Variants in FRMD4A observed in about 807,000 individuals in gnomAD.
The protein encoded by FRMD4A is FERM domain-containing protein 4A.
Under a neutral mutation model 129.1 loss-of-function variants are expected in FRMD4A, and 29 were observed. That is an observed-to-expected ratio of 0.22 (90% CI 0.17 to 0.31). The LOEUF (loss-of-function observed/expected upper bound fraction) is 0.31, where lower values mean the gene tolerates loss of function less well. Among genes scored for constraint, FRMD4A ranks in the 10% least tolerant of loss-of-function variants. The probability of loss-of-function intolerance (pLI) is 1.00; values close to 1 mark genes in which losing one functional copy is unlikely to be tolerated. For missense variants in FRMD4A, 1,272 were observed against 1,375.8 expected (o/e 0.92, Z 1.19); for synonymous variants, 634 against 571.6 (o/e 1.11, Z -1.56).
At chr10:13,914,273 A>G (rs2094975584) in intron 2 of FRMD4A, among the ~76,000 whole-genome samples, 1 of 152,248 alleles carries the variant, frequency 6.6e-6, no homozygotes, top group Non-Finnish European at 1.5e-5. Context: ...TATCATAGGC[A>G]GACTTCTAAT....
rs199502406 is a variant in FRMD4A, at chr10:14,101,564, G to T, written c.45+228494C>A. ...GGAAAAATAACAGTGGGAACCTAGG[G>T]ATATAGCACATCAGATGATGGGGAA... is the stretch of plus-strand genomic sequence containing the variant. On this transcript the variant is annotated intron_variant, in intron 2 of 24. Coordinates refer to ENST00000357447, the MANE Select transcript of FRMD4A (RefSeq NM_018027.5). Among the ~76,000 whole-genome samples the T allele has an allele frequency of 2.0e-5, 3 of 152,206 alleles. No individual in the cohort carries two copies. In the East Asian group the frequency reaches 5.8e-4, roughly 29 times the overall value.
At chr10:13,893,522 C>T (rs1336518399) in intron 2 of FRMD4A, among the ~76,000 whole-genome samples, 1 of 151,586 alleles carries the variant, frequency 6.6e-6, no homozygotes, top group Admixed American at 6.6e-5. Flanking sequence ...AGACCTACAA[C>T]ATTTTTTTTT....
At chr10:13,974,815 C>A (rs1415019869) in intron 2 of FRMD4A, among the ~76,000 whole-genome samples, 1 of 152,170 alleles carries the variant, frequency 6.6e-6, no homozygotes, top group Non-Finnish European at 1.5e-5. Flanking sequence ...GTGTGAGCCA[C>A]TGCACCTGGC....
chr10:13,748,429 T>C (rs1055870482), intron 8 of FRMD4A, among the ~76,000 whole-genome samples: 1 of 152,216 alleles, frequency 6.6e-6, no homozygotes, highest in Non-Finnish European at 1.5e-5. Flanking sequence ...GATGTTTGAC[T>C]GTTTGCATTT....
intron 23 of FRMD4A, chr10:13,653,516 G>C (rs1315121403): frequency 1.3e-5 from 2 of 152,198 alleles, no homozygotes; most frequent in South Asian, 2.1e-4. Context: ...AAGTATGAGA[G>C]CCTGAAAGGC....
intron 3 of FRMD4A, among the ~76,000 whole-genome samples, chr10:13,832,270 T>C (rs11591912): frequency 0.2 from 30,284 of 152,096 alleles, 3,170 homozygotes; most frequent in Non-Finnish European, 0.23. Flanking sequence ...TTGAAGTGCC[T>C]TTCCCGTGTG....
chr10:14,274,497 C>T (rs745900045), intron 2 of FRMD4A, among the ~76,000 whole-genome samples: 12 of 152,042 alleles, frequency 7.9e-5, no homozygotes, highest in South Asian at 2.1e-4. Context: ...TAGGAGATCT[C>T]GAAACTTGGG....
chr10:14,063,087 TG>T (rs1834889283), intron 2 of FRMD4A, among the ~76,000 whole-genome samples: 2 of 152,168 alleles, frequency 1.3e-5, no homozygotes, highest in Non-Finnish European at 2.9e-5. Flanking sequence ...ACACTTAATA[TG>T]GGCCAGACAT....
intron 2 of FRMD4A, among the ~76,000 whole-genome samples, chr10:13,869,539 C>T (rs554339140): frequency 3.3e-5 from 5 of 152,358 alleles, no homozygotes; most frequent in Admixed American, 2.0e-4. Flanking sequence ...GGCAGATGGA[C>T]GCTGAAAGAC....
chr10:13,995,991 A>C (rs2131441878), intron 2 of FRMD4A, among the ~76,000 whole-genome samples: 1 of 152,264 alleles, frequency 6.6e-6, no homozygotes, highest in East Asian at 1.9e-4. Context: ...GGAGCTTACA[A>C]ACAACAGAAG....
At chr10:14,079,820 G>A (rs1327315100) in intron 2 of FRMD4A, among the ~76,000 whole-genome samples, 1 of 152,176 alleles carries the variant, frequency 6.6e-6, no homozygotes, top group Non-Finnish European at 1.5e-5. Flanking sequence ...ATGGGAAGGT[G>A]GGCCAGGGAT....
intron 2 of FRMD4A, among the ~76,000 whole-genome samples, chr10:13,974,019 C>CT (rs66523920): frequency 0.011 from 1,046 of 96,230 alleles, 26 homozygotes; most frequent in East Asian, 0.022. Flanking sequence ...AGGGACAGTT[C>CT]TTTTTTTTTT....
chr10:14,048,706 T>C (rs1397647292), intron 2 of FRMD4A, among the ~76,000 whole-genome samples: 2 of 152,154 alleles, frequency 1.3e-5, no homozygotes, highest in Admixed American at 6.5e-5. Flanking sequence ...CTTGGGAGGC[T>C]GAGGCAGGAT....
At chr10:13,984,763 C>A (rs1043045368) in intron 2 of FRMD4A, among the ~76,000 whole-genome samples, 3 of 152,206 alleles carry the variant, frequency 2.0e-5, no homozygotes, top group Non-Finnish European at 2.9e-5. Context: ...CCACATTCAT[C>A]CATCAGCGGG....
chr10:13,810,709 C>G, intron 4 of FRMD4A, 105 bp downstream of exon 4: 1 of 562,164 alleles, frequency 1.8e-6, no homozygotes, highest in Non-Finnish European at 3.2e-6. Flanking sequence ...ACCATGGGAC[C>G]CAAGTGGTCT....
At chr10:14,259,057 A>T (rs920320854) in intron 2 of FRMD4A, among the ~76,000 whole-genome samples, 2 of 152,142 alleles carry the variant, frequency 1.3e-5, no homozygotes, top group African/African-American at 4.8e-5. Flanking sequence ...GGAACAAGGG[A>T]TATGTTCACT....
At chr10:14,055,785 G>A (rs978658707) in intron 2 of FRMD4A, among the ~76,000 whole-genome samples, 2 of 152,230 alleles carry the variant, frequency 1.3e-5, no homozygotes, top group Admixed American at 1.3e-4. Context: ...TCACATCATG[G>A]AGAATGGGGT....
intron 12 of FRMD4A, among the ~76,000 whole-genome samples, chr10:13,715,570 G>A (rs2088698907): frequency 6.6e-6 from 1 of 152,110 alleles, no homozygotes; most frequent in Admixed American, 6.6e-5. Context: ...ATTAATATAT[G>A]TTAAATGCTT....
chr10:14,145,431 G>A (rs1377759457), intron 2 of FRMD4A, among the ~76,000 whole-genome samples: 1 of 152,206 alleles, frequency 6.6e-6, no homozygotes, highest in Non-Finnish European at 1.5e-5. Flanking sequence ...TGCTCTTTAA[G>A]AGGGCTGTGG....
Sources: gnomAD v4.1 joint callset for allele counts (sites outside exome capture counted in the v4.1 genomes callset) on GRCh38, gnomAD v4.1.1 for gene constraint, MANE v1.5 for transcripts, NCBI Gene and HGNC (gene_info 2026-07-23, HGNC 2026-07-21) for gene names.